Variants in ADAMTSL1 observed in about 807,000 individuals in gnomAD.
The protein encoded by ADAMTSL1 is ADAMTS-like protein 1.
A neutral mutation model predicts 201.8 loss-of-function variants in ADAMTSL1; 126 were observed. The observed-to-expected ratio is 0.62, with a 90% confidence interval of 0.54 to 0.72. ADAMTSL1 has a LOEUF of 0.72. Among genes scored for constraint, ADAMTSL1 ranks in the 30% least tolerant of loss-of-function variants. ADAMTSL1 has a pLI of 0.00. For synonymous variants in ADAMTSL1, 1,121 were observed against 903.4 expected (o/e 1.24, Z -4.32); for missense variants, 2,679 against 2,277.8 (o/e 1.18, Z -3.59).
At chr9:18,888,098 G>A (rs1829017449) in intron 24 of ADAMTSL1, 55 bp downstream of exon 24, 1 of 1,542,274 alleles carries the variant, frequency 6.5e-7, no homozygotes, top group African/African-American at 1.4e-5. Context: ...GCCCACTTGG[G>A]AATCTAACTA....
At chr9:18,322,686 A>G (rs1182191469) in intron 2 of ADAMTSL1, among the ~76,000 whole-genome samples, 1 of 152,126 alleles carries the variant, frequency 6.6e-6, no homozygotes, top group Non-Finnish European at 1.5e-5. Context: ...TAGCAATACC[A>G]ATAGAGGAGA....
At position 18,688,291 on chromosome 9, in the gene ADAMTSL1, T is replaced by G. The variant is rs1387191878; in HGVS notation, c.1574+3491T>G. Among the ~76,000 whole-genome samples, 4 of 151,790 alleles carry G rather than the reference T, an allele frequency of 2.6e-5. No individual in the cohort carries two copies. In the South Asian group the frequency reaches 6.3e-4, roughly 24 times the overall value. ...GGTGCCCACCACCATGCCCAGCTAA[T>G]TTTTGTATTTTTAGTAAATAAGAGA... On this transcript the variant is annotated intron_variant, in intron 13 of 28. Coordinates refer to ENST00000380548, the MANE Select transcript of ADAMTSL1 (RefSeq NM_001040272.6).
chr9:18,724,844 G>C (rs1459798070), intron 15 of ADAMTSL1, among the ~76,000 whole-genome samples: 1 of 151,976 alleles, frequency 6.6e-6, no homozygotes. Context: ...AGATGCTGTT[G>C]ATCCTTTCCT....
intron 2 of ADAMTSL1, among the ~76,000 whole-genome samples, chr9:18,412,182 C>T (rs573626374): frequency 1.3e-4 from 20 of 152,240 alleles, no homozygotes; most frequent in South Asian, 1.2e-3. Context: ...GATCTAGAGG[C>T]ATTATTTAAT....
chr9:18,606,365 G>T (rs1389219663), intron 4 of ADAMTSL1, among the ~76,000 whole-genome samples: 1 of 152,108 alleles, frequency 6.6e-6, no homozygotes. Flanking sequence ...AGTGCCTTTA[G>T]CTTGGTGCTG....
intron 15 of ADAMTSL1, among the ~76,000 whole-genome samples, chr9:18,738,276 G>A (rs975471748): frequency 1.3e-5 from 2 of 152,124 alleles, no homozygotes; most frequent in Non-Finnish European, 2.9e-5. Flanking sequence ...CTATGGAAAG[G>A]AATTGAGTAT....
At chr9:18,362,801 GT>G (rs1182432435) in intron 2 of ADAMTSL1, among the ~76,000 whole-genome samples, 3 of 152,154 alleles carry the variant, frequency 2.0e-5, no homozygotes, top group African/African-American at 7.2e-5. Context: ...AGAGTTTGCT[GT>G]TAGTTAGGCA....
At chr9:18,540,412 G>A (rs1488140246) in intron 3 of ADAMTSL1, among the ~76,000 whole-genome samples, 3 of 152,296 alleles carry the variant, frequency 2.0e-5, no homozygotes, top group East Asian at 3.9e-4. Flanking sequence ...ACACAGGGAT[G>A]GAGGGTTGCT....
chr9:18,539,813 T>A (rs1040133102), intron 3 of ADAMTSL1, among the ~76,000 whole-genome samples: 2 of 152,210 alleles, frequency 1.3e-5, no homozygotes, highest in Admixed American at 1.3e-4. Context: ...GCATTGTTTT[T>A]TCAAATGGCT....
intron 1 of ADAMTSL1, among the ~76,000 whole-genome samples, chr9:18,086,802 G>T (rs915669989): frequency 6.6e-6 from 1 of 152,154 alleles, no homozygotes; most frequent in Non-Finnish European, 1.5e-5. Flanking sequence ...CTTAATCAGG[G>T]ATGACTAAGT....
intron 3 of ADAMTSL1, among the ~76,000 whole-genome samples, chr9:18,560,497 T>A (rs1821414521): frequency 6.6e-6 from 1 of 152,198 alleles, no homozygotes; most frequent in Non-Finnish European, 1.5e-5. Context: ...TCTGCCAGGC[T>A]TTGGTATCAG....
chr9:18,365,496 C>T (rs1836727579), intron 2 of ADAMTSL1, among the ~76,000 whole-genome samples: 1 of 152,056 alleles, frequency 6.6e-6, no homozygotes, highest in Admixed American at 6.6e-5. Flanking sequence ...CACAGGTGTT[C>T]ATTTTTTAAA....
At chr9:17,926,566 A>G (rs1171868871) in intron 1 of ADAMTSL1, among the ~76,000 whole-genome samples, 1 of 152,220 alleles carries the variant, frequency 6.6e-6, no homozygotes, top group Non-Finnish European at 1.5e-5. Context: ...CACAGGACAC[A>G]ATGATTTTTT....
chr9:18,473,477 T>G (rs1341631573), upstream of ADAMTSL1, among the ~76,000 whole-genome samples: 1 of 152,140 alleles, frequency 6.6e-6, no homozygotes, highest in Non-Finnish European at 1.5e-5. Context: ...ACTTGCTTTG[T>G]TTTTTTCCCC....
intron 1 of ADAMTSL1, among the ~76,000 whole-genome samples, chr9:17,969,273 A>T (rs527473512): frequency 6.6e-6 from 1 of 152,206 alleles, no homozygotes; most frequent in East Asian, 1.9e-4. Context: ...AGAAGATGTG[A>T]TATTAGAGAA....
intron 7 of ADAMTSL1, among the ~76,000 whole-genome samples, chr9:18,646,959 G>T (rs1188391503): frequency 2.6e-5 from 4 of 152,094 alleles, no homozygotes; most frequent in Admixed American, 2.0e-4. Context: ...GTTTCAGAAG[G>T]AATGGTACCA....
chr9:18,177,220 G>C (rs953727577), intron 2 of ADAMTSL1, among the ~76,000 whole-genome samples: 7 of 152,168 alleles, frequency 4.6e-5, no homozygotes, highest in South Asian at 4.1e-4. Flanking sequence ...CCCAAAGAAT[G>C]AATGAATGCA....
intron 7 of ADAMTSL1, among the ~76,000 whole-genome samples, chr9:18,639,993 T>C (rs901266385): frequency 6.6e-6 from 1 of 152,154 alleles, no homozygotes; most frequent in African/African-American, 2.4e-5. Flanking sequence ...AACATATTTT[T>C]TCCTTCAGTA....
chr9:18,908,071 C>T, intron 28 of ADAMTSL1: 1 of 271,296 alleles, frequency 3.7e-6, no homozygotes, highest in Non-Finnish European at 7.2e-6. Context: ...ATACCAAAAC[C>T]CACGGGAAAA....
Sources: gnomAD v4.1 joint callset for allele counts (sites outside exome capture counted in the v4.1 genomes callset) on GRCh38, gnomAD v4.1.1 for gene constraint, MANE v1.5 for transcripts, NCBI Gene and HGNC (gene_info 2026-07-23, HGNC 2026-07-21) for gene names.